DPY19L2: variants seen among roughly 807,000 people sequenced by gnomAD.
The protein encoded by DPY19L2 is probable C-mannosyltransferase DPY19L2.
Under a neutral mutation model 97.9 loss-of-function variants are expected in DPY19L2, and 34 were observed. That is an observed-to-expected ratio of 0.35 (90% confidence interval 0.26 to 0.46). The LOEUF is 0.46. DPY19L2 is among the 20% of genes least tolerant of loss of function. DPY19L2 has a pLI of 1.00. For synonymous variants in DPY19L2, 230 were observed against 307.9 expected, an observed-to-expected ratio of 0.75 and a Z score of 2.65; for missense variants, 623 against 911.4, an observed-to-expected ratio of 0.68 and a Z score of 4.07.
chr12:63,628,867 A>G lies in DPY19L2; in HGVS notation c.804-2341T>C, dbSNP rs566867621. Among the ~76,000 whole-genome samples the G allele has an allele frequency of 2.6e-5, 4 of 151,010 alleles. No individual in the cohort carries two copies. In the East Asian group the frequency reaches 7.8e-4, roughly 29 times the overall value. ...CAGCCGGGTACTCCTCTGAGACAAA[A>G]TTTCCAGAGGAATGATCAGGCAGCA... On this transcript the variant is annotated intron_variant, in intron 6 of 21. Transcript: ENST00000324472.
At chr12:63,611,920 T>G (rs1337332280) in intron 11 of DPY19L2, among the ~76,000 whole-genome samples, 2 of 151,990 alleles carry the variant, frequency 1.3e-5, no homozygotes, top group African/African-American at 4.8e-5. Flanking sequence ...ATCTAAGAAT[T>G]TCAATTAATC....
chr12:63,588,904 C>A (rs1180402416), intron 16 of DPY19L2, among the ~76,000 whole-genome samples: 1 of 151,944 alleles, frequency 6.6e-6, no homozygotes, highest in African/African-American at 2.4e-5. Flanking sequence ...CAGGCGCCCA[C>A]CACGATGCCC....
chr12:63,618,468 A>G (rs569279945), intron 9 of DPY19L2, among the ~76,000 whole-genome samples: 4 of 152,316 alleles, frequency 2.6e-5, no homozygotes, highest in African/African-American at 9.6e-5. Context: ...GCAGAATTAA[A>G]AAGATGGATG....
chr12:63,575,085 A>C (rs1238165483), intron 19 of DPY19L2, among the ~76,000 whole-genome samples: 2 of 152,058 alleles, frequency 1.3e-5, no homozygotes, highest in African/African-American at 4.8e-5. Flanking sequence ...AAGCCTTAAA[A>C]CATTTTTTAA....
intron 19 of DPY19L2, among the ~76,000 whole-genome samples, chr12:63,578,204 C>A (rs1282404167): frequency 1.3e-5 from 2 of 151,936 alleles, no homozygotes; most frequent in African/African-American, 4.8e-5. Context: ...TTGAAATAAG[C>A]CAGGTACAGA....
At position 63,585,769 on chromosome 12, in the gene DPY19L2, A is replaced by G. The variant is rs539941816; in HGVS notation, c.1581-1933T>C. ...AAAGGAAACATCAAAATAAATAAGC[A>G]AAAAGCTTGACCTCTCATGAAACAG... On this transcript the variant is annotated intron_variant, in intron 16 of 21. Coordinates refer to ENST00000324472, the MANE Select transcript of DPY19L2 (RefSeq NM_173812.5). 2.9e-4 allele frequency among the ~76,000 whole-genome samples: 44 copies of G among 152,322 alleles called. No homozygotes were observed. In the South Asian group the frequency reaches 8.9e-3, roughly 31 times the overall value.
In DPY19L2 at chr12:63,559,556, C is replaced by T. The variant is rs1876106918; in HGVS notation, c.*956G>A. The T allele has an allele frequency of 6.6e-6, 1 of 152,462 alleles. No individual in the cohort carries two copies. Among genetic ancestry groups the T allele is most frequent in the African/African-American group, 2.4e-5 (1 of 41,400 alleles). 9.4% of individuals were successfully genotyped at this position (152,462 alleles called of 1,614,324 possible). A position where few individuals can be genotyped will look rare whatever the true frequency, so the allele number is the denominator to read the frequency against. On this transcript the variant is annotated 3_prime_UTR_variant, in exon 22 of 22. Coordinates refer to ENST00000324472, the MANE Select transcript of DPY19L2 (RefSeq NM_173812.5). ...GACTTAGAAAACATGACTTTCCTCA[C>T]CCAAAACCAAAAATAAATGAGGGCT...
chr12:63,589,310 A>G (rs1224981372), intron 16 of DPY19L2, among the ~76,000 whole-genome samples: 1 of 148,688 alleles, frequency 6.7e-6, no homozygotes, highest in Non-Finnish European at 1.5e-5. Flanking sequence ...AAAAACTATC[A>G]GAACCAGAAA....
At chr12:63,595,510 C>T (rs1487464445) in intron 15 of DPY19L2, among the ~76,000 whole-genome samples, 1 of 152,152 alleles carries the variant, frequency 6.6e-6, no homozygotes, top group Non-Finnish European at 1.5e-5. Flanking sequence ...TACGCAGGCC[C>T]ACTCAAAATA....
intron 6 of DPY19L2, among the ~76,000 whole-genome samples, chr12:63,627,475 C>T (rs1359097215): frequency 1.3e-5 from 2 of 152,004 alleles, no homozygotes; most frequent in Non-Finnish European, 2.9e-5. Flanking sequence ...CTCAGCCTCC[C>T]GAGTAGCTGG....
At chr12:63,622,986 T>C (rs7976947) in intron 8 of DPY19L2, among the ~76,000 whole-genome samples, 45,413 of 151,820 alleles carry the variant, frequency 0.3, 7,877 homozygotes, top group African/African-American at 0.49. Flanking sequence ...TTTTAAAAAA[T>C]AAGGAAGACA....
intron 6 of DPY19L2, among the ~76,000 whole-genome samples, chr12:63,627,729 C>T (rs397834884): frequency 2.0e-5 from 3 of 152,168 alleles, no homozygotes; most frequent in Admixed American, 6.5e-5. Context: ...ATCTGTGTAG[C>T]GTTTCTATGC....
At chr12:63,621,856 T>C (rs1200296220) in intron 8 of DPY19L2, among the ~76,000 whole-genome samples, 1 of 152,136 alleles carries the variant, frequency 6.6e-6, no homozygotes, top group Admixed American at 6.6e-5. Flanking sequence ...AGCTGAAGCA[T>C]GTGGAAGTTT....
intron 4 of DPY19L2, chr12:63,651,785 C>T (rs1476861672): frequency 5.8e-6 from 2 of 343,666 alleles, no homozygotes; most frequent in Non-Finnish European, 1.2e-5. Flanking sequence ...TTACAAAGAA[C>T]CAGAAGGACC....
At chr12:63,610,922 G>A (rs1592561879) in intron 11 of DPY19L2, among the ~76,000 whole-genome samples, 1 of 100,010 alleles carries the variant, frequency 1.0e-5, no homozygotes, top group Middle Eastern at 7.7e-3. Context: ...CAAAGGACTT[G>A]AATAAACATT....
At chr12:63,660,381 T>C (rs917608514) in intron 4 of DPY19L2, among the ~76,000 whole-genome samples, 2 of 151,614 alleles carry the variant, frequency 1.3e-5, no homozygotes, top group African/African-American at 2.4e-5. Flanking sequence ...GAAAAAATCC[T>C]AGAGTGACAC....
chr12:63,648,937 G>A (rs1893803739), intron 4 of DPY19L2, among the ~76,000 whole-genome samples: 2 of 151,900 alleles, frequency 1.3e-5, no homozygotes, highest in African/African-American at 4.8e-5. Flanking sequence ...ACTCTAATGA[G>A]CATGCTTAAA....
chr12:63,608,873 G>A (rs1886493152), intron 11 of DPY19L2, among the ~76,000 whole-genome samples, 198 bp from the exon 12 acceptor site: 1 of 152,076 alleles, frequency 6.6e-6, no homozygotes, highest in East Asian at 1.9e-4. Flanking sequence ...TAAATGGTTT[G>A]TGTGTCAAAA....
intron 19 of DPY19L2, among the ~76,000 whole-genome samples, chr12:63,572,435 G>A (rs1879043461): frequency 6.6e-6 from 1 of 152,092 alleles, no homozygotes; most frequent in Non-Finnish European, 1.5e-5. Context: ...TTTCTAAGGT[G>A]TCTGACTCCA....
Sources: allele counts gnomAD v4.1 joint callset (sites outside exome capture counted in the v4.1 genomes callset), GRCh38; gene constraint gnomAD v4.1.1; transcripts MANE v1.5; gene names NCBI Gene and HGNC (gene_info 2026-07-23, HGNC 2026-07-21).